TENM2: variants seen among roughly 807,000 people sequenced by gnomAD.
TENM2 encodes teneurin transmembrane protein 2.
A neutral mutation model predicts 245.2 loss-of-function variants in TENM2; 52 were observed. The observed-to-expected ratio is 0.21, with a 90% confidence interval of 0.17 to 0.27. TENM2 has a LOEUF of 0.27. Ranked by LOEUF, TENM2 falls within the 10% of genes least tolerant of loss-of-function variation. TENM2 has a pLI of 1.00. For synonymous variants in TENM2, 1,363 were observed against 1,438.9 expected, an observed-to-expected ratio of 0.95 and a Z score of 1.19; for missense variants, 3,046 against 3,666.8, an observed-to-expected ratio of 0.83 and a Z score of 4.37.
rs1386471485 is a variant in TENM2 at position 168,204,557 on chromosome 5, G to A, written c.3760G>A (p.Gly1254Ser). Residue 1254 changes from glycine (G) to serine (S), a missense_variant, in exon 19 of 29, where the codon GGT becomes AGT. By Grantham distance (56) the Gly-to-Ser change is moderately conservative (BLOSUM62 0). Around this residue, in one of 2 missense-constraint regions of TENM2, gnomAD observed 2,704 missense variants for 3,331.9 expected, o/e 0.81. Transcript: ENST00000518659. ...TGGAATCGATGGGAGCCTCTATGTG[G>A]GTGACTTCAATTACATCCGACGCAT... The A allele has an allele frequency of 4.3e-6, 7 of 1,613,916 alleles. No individual in the cohort carries two copies. In the East Asian group the frequency reaches 1.3e-4, roughly 31 times the overall value.
Position 168,118,281 on chromosome 5 carries a change from G to C in TENM2, c.1814-11G>C. 2 of 1,531,986 alleles carry C rather than the reference G, an allele frequency of 1.3e-6. No individual in the cohort carries two copies. The allele number at this position is 1,531,986 out of a possible 1,614,324, so 94.9% of individuals were successfully genotyped here. On this transcript the variant is annotated splice_polypyrimidine_tract_variant and intron_variant, in intron 9 of 28. Transcript: ENST00000518659. ...CTTCGTGACCTAGTGCTCTGTCTTT[G>C]GTTTGTGCAGCTGCCTGCCCTGTCC...
rs117496109 is a variant in TENM2, at chr5:168,252,239, G to A, written c.7432+3868G>A. 2.5e-4 allele frequency among the ~76,000 whole-genome samples: 38 copies of A among 152,044 alleles called. 1 individual carries two copies. In the East Asian group the frequency reaches 6.2e-3, roughly 25 times the overall value. ...CCAAAAATTTAAAAGTTAGCCAAGTGTAGTGGTGCACACCCGTGGTCCCAG... is the reference window on the plus strand; with the variant it reads ...CCAAAAATTTAAAAGTTAGCCAAGTATAGTGGTGCACACCCGTGGTCCCAG... On this transcript the variant is annotated intron_variant, in intron 27 of 28. Coordinates refer to ENST00000518659, the Ensembl canonical transcript of TENM2.
chr5:167,507,246 TAAGTA>T (rs1769618071), intron 2 of TENM2, among the ~76,000 whole-genome samples: 1 of 152,194 alleles, frequency 6.6e-6, no homozygotes, highest in South Asian at 2.1e-4. Context: ...GTATTACCCA[TAAGTA>T]ATTTTAGTTA....
chr5:167,976,791 T>C (rs1428255239), intron 4 of TENM2, among the ~76,000 whole-genome samples: 1 of 152,202 alleles, frequency 6.6e-6, no homozygotes, highest in Non-Finnish European at 1.5e-5. Context: ...TAAAAACTTT[T>C]GTTTAAAAAT....
At chr5:168,168,019 C>G (rs7718516) in intron 13 of TENM2, among the ~76,000 whole-genome samples, 99,869 of 151,878 alleles carry the variant, frequency 0.66, 34,559 homozygotes, top group African/African-American at 0.9. Flanking sequence ...AATAATTTTT[C>G]CAGTGTACAC....
intron 2 of TENM2, among the ~76,000 whole-genome samples, chr5:167,517,986 A>C (rs1770499969): frequency 6.6e-6 from 1 of 151,996 alleles, no homozygotes; most frequent in Admixed American, 6.6e-5. Context: ...CAGGAGTTCA[A>C]GACCAGCCTG....
At chr5:167,228,800 G>T in the TENM2 span, among the ~76,000 whole-genome samples, 1 of 151,760 alleles carries the variant, frequency 6.6e-6, no homozygotes, top group African/African-American at 2.4e-5. Flanking sequence ...CGCCTCCTGT[G>T]TTCACACCAT....
At chr5:167,574,551 C>T (rs1488769726) in intron 2 of TENM2, among the ~76,000 whole-genome samples, 3 of 152,034 alleles carry the variant, frequency 2.0e-5, no homozygotes, top group East Asian at 1.9e-4. Flanking sequence ...ATCTCCTTAA[C>T]GTGTGTCAGG....
chr5:167,344,307 C>CAT (rs1206561623), intron 1 of TENM2, among the ~76,000 whole-genome samples: 4,966 of 63,018 alleles, frequency 0.079, 175 homozygotes, highest in East Asian at 0.18. Context: ...CACACACACA[C>CAT]ACATATATAT....
At chr5:167,694,550 G>A (rs1757638093) in intron 2 of TENM2, among the ~76,000 whole-genome samples, 1 of 152,134 alleles carries the variant, frequency 6.6e-6, no homozygotes, top group African/African-American at 2.4e-5. Flanking sequence ...TTTCATGGGA[G>A]GTTCCTTCAT....
At chr5:167,428,243 A>T (rs1296036207) in intron 2 of TENM2, among the ~76,000 whole-genome samples, 1 of 152,220 alleles carries the variant, frequency 6.6e-6, no homozygotes, top group Non-Finnish European at 1.5e-5. Flanking sequence ...CATTGAAATG[A>T]TTAGTAGGAA....
chr5:167,934,311 G>A (rs545153840), intron 3 of TENM2, among the ~76,000 whole-genome samples: 2 of 152,148 alleles, frequency 1.3e-5, no homozygotes, highest in Admixed American at 6.5e-5. Flanking sequence ...AAGCAGCATC[G>A]TAACAGGGTG....
At chr5:167,013,590 C>T in the TENM2 span, among the ~76,000 whole-genome samples, 1 of 152,050 alleles carries the variant, frequency 6.6e-6, no homozygotes. Flanking sequence ...GCCTGTAGTC[C>T]CAGCTACTTG....
At chr5:167,092,339 AGACT>A in the TENM2 span, among the ~76,000 whole-genome samples, 9,395 of 152,240 alleles carry the variant, frequency 0.062, 377 homozygotes, top group Non-Finnish European at 0.097. Context: ...TTGTAGAGAC[AGACT>A]GACTGGGCCA....
At chr5:168,189,430 C>T (rs1760752370) in intron 13 of TENM2, among the ~76,000 whole-genome samples, 1 of 152,162 alleles carries the variant, frequency 6.6e-6, no homozygotes, top group African/African-American at 2.4e-5. Flanking sequence ...ACATGGAGAC[C>T]ACTCAAATAT....
At chr5:168,165,858 G>A (rs1050888131) in intron 13 of TENM2, 1 of 150,790 alleles carries the variant, frequency 6.6e-6, no homozygotes, top group South Asian at 2.1e-4. Context: ...TTAATTCAGA[G>A]TTGCTTATGT....
intron 2 of TENM2, among the ~76,000 whole-genome samples, chr5:167,388,149 C>CT (rs1325842286): frequency 6.6e-6 from 1 of 151,972 alleles, no homozygotes; most frequent in Admixed American, 6.6e-5. Context: ...TGGTCCTGGA[C>CT]TTTTCTTTTT....
At chr5:167,540,262 A>G (rs55941714) in intron 2 of TENM2, among the ~76,000 whole-genome samples, 13,733 of 152,178 alleles carry the variant, frequency 0.09, 710 homozygotes, top group East Asian at 0.21. Context: ...ACAAATTTAG[A>G]GAATCATCAA....
chr5:167,579,783 T>A (rs563096662), intron 2 of TENM2, among the ~76,000 whole-genome samples: 14 of 152,278 alleles, frequency 9.2e-5, no homozygotes, highest in African/African-American at 2.6e-4. Context: ...AGACAACACT[T>A]GTGACCTGAA....
Sources: gnomAD v4.1 joint callset for allele counts (sites outside exome capture counted in the v4.1 genomes callset) on GRCh38, gnomAD v4.1.1 for gene constraint, gnomAD v4.1.1 regional missense constraint, MANE v1.5 for transcripts, NCBI Gene and HGNC (gene_info 2026-07-23, HGNC 2026-07-21) for gene names.